ACOT13: variants seen among roughly 807,000 people sequenced by gnomAD.
ACOT13 encodes acyl-coenzyme A thioesterase 13.
Under a neutral mutation model 11.8 loss-of-function variants are expected in ACOT13, and 10 were observed. The ratio of observed to expected loss-of-function variants is 0.85; its 90% confidence interval spans 0.53 to 1.44. The LOEUF is 1.44. ACOT13 is among the 40% of genes most tolerant of loss of function. ACOT13 has a pLI of 0.00. For synonymous variants in ACOT13, 53 were observed against 61.0 expected, an observed-to-expected ratio of 0.87 and a Z score of 0.61; for missense variants, 172 against 174.1, an observed-to-expected ratio of 0.99 and a Z score of 0.07.
chr6:24,696,635 C>G (rs2074043244), intron 1 of ACOT13, among the ~76,000 whole-genome samples: 1 of 152,208 alleles, frequency 6.6e-6, no homozygotes, highest in African/African-American at 2.4e-5. Flanking sequence ...TTGGATGCAG[C>G]ACATTCCACT....
intron 1 of ACOT13, among the ~76,000 whole-genome samples, chr6:24,668,051 G>A (rs1778292255): frequency 6.6e-6 from 1 of 152,068 alleles, no homozygotes. Context: ...TGGGATTACA[G>A]GCATGCGCCA....
intron 1 of ACOT13, among the ~76,000 whole-genome samples, chr6:24,675,337 G>C (rs375854014): frequency 6.6e-5 from 10 of 152,210 alleles, no homozygotes; most frequent in Non-Finnish European, 1.5e-4. Context: ...CTAGTTTACA[G>C]TCCCACCAAC....
chr6:24,700,856 A>G (rs78543579), intron 2 of ACOT13: 3 of 152,202 alleles, frequency 2.0e-5, no homozygotes, highest in East Asian at 1.9e-4. Flanking sequence ...AATAAACTGT[A>G]AGGAAATTAT....
chr6:24,693,618 G>A (rs3777664), intron 1 of ACOT13, among the ~76,000 whole-genome samples: 113,801 of 152,116 alleles, frequency 0.75, 42,912 homozygotes, highest in East Asian at 0.84. Context: ...ATCTATCTTT[G>A]CTGAAAAAGT....
chr6:24,699,412 G>T (rs534423488), intron 2 of ACOT13, among the ~76,000 whole-genome samples: 3 of 151,944 alleles, frequency 2.0e-5, no homozygotes, highest in Non-Finnish European at 4.4e-5. Flanking sequence ...GGGTTTCACC[G>T]TGTTAGCCAG....
In ACOT13 at chr6:24,703,893, G is replaced by A. The variant is rs1221000625; in HGVS notation, c.*2278G>A. 4 of 152,146 alleles carry A rather than the reference G, an allele frequency of 2.6e-5. No homozygotes were observed. The highest frequency in any genetic ancestry group is 5.9e-5 in the Non-Finnish European group (4 of 68,016). The allele number at this position is 152,146 out of a possible 1,614,324, so 9.4% of individuals were successfully genotyped here. On this transcript the variant is annotated 3_prime_UTR_variant, in exon 3 of 3. Transcript: ENST00000230048. ...TGAATAAACAATTCAAATGCAAAAT[G>A]AGTAACAATTTACAAGAAAAATTGC...
At chr6:24,693,798 A>C (rs1009956596) in intron 1 of ACOT13, among the ~76,000 whole-genome samples, 7 of 151,478 alleles carry the variant, frequency 4.6e-5, no homozygotes, top group African/African-American at 1.5e-4. Flanking sequence ...AACTCGGCTA[A>C]CCTCCACTTC....
At chr6:24,686,922 C>G (rs1778640972) in intron 1 of ACOT13, among the ~76,000 whole-genome samples, 1 of 152,134 alleles carries the variant, frequency 6.6e-6, no homozygotes, top group Non-Finnish European at 1.5e-5. Context: ...GGCTGCTACA[C>G]TCTTTTAAAC....
At chr6:24,700,637 C>T (rs986367811) in intron 2 of ACOT13, among the ~76,000 whole-genome samples, 1 of 151,786 alleles carries the variant, frequency 6.6e-6, no homozygotes, top group African/African-American at 2.4e-5. Flanking sequence ...GGTTTCACCA[C>T]GTTGGCCGGG....
intron 1 of ACOT13, among the ~76,000 whole-genome samples, chr6:24,696,642 C>T (rs913165099): frequency 6.6e-6 from 1 of 152,188 alleles, no homozygotes; most frequent in Non-Finnish European, 1.5e-5. Flanking sequence ...CAGCACATTC[C>T]ACTCACAGCT....
chr6:24,671,874 A>G (rs1264782350), intron 1 of ACOT13, among the ~76,000 whole-genome samples: 1 of 152,218 alleles, frequency 6.6e-6, no homozygotes, highest in Non-Finnish European at 1.5e-5. Context: ...AGGTCATATC[A>G]GAATTACAGG....
chr6:24,686,622 T>C (rs1327479785), intron 1 of ACOT13, among the ~76,000 whole-genome samples: 4 of 131,946 alleles, frequency 3.0e-5, no homozygotes, highest in Non-Finnish European at 6.0e-5. Context: ...TCCTCTCCTT[T>C]CTTTCTCTTT....
intron 1 of ACOT13, among the ~76,000 whole-genome samples, chr6:24,695,793 G>A (rs542872623): frequency 1.8e-4 from 27 of 152,102 alleles, no homozygotes; most frequent in Non-Finnish European, 2.6e-4. Context: ...TAGGCCAGGC[G>A]CGGTGGCTCA....
At chr6:24,690,258 C>T (rs978533009) in intron 1 of ACOT13, among the ~76,000 whole-genome samples, 2 of 152,168 alleles carry the variant, frequency 1.3e-5, no homozygotes, top group Non-Finnish European at 2.9e-5. Context: ...TGCAAAAATT[C>T]TACACAATTT....
Position 24,674,495 on chromosome 6 carries a change from G to A in ACOT13, c.81+7151G>A, listed in dbSNP as rs533154340. Among the ~76,000 whole-genome samples the A allele has an allele frequency of 1.2e-3, 186 of 152,236 alleles. 1 individual carries two copies. Among genetic ancestry groups the A allele is most frequent in the African/African-American group, 4.4e-3 (182 of 41,508 alleles). ...GTGATTTCAGCTGAGTGCAGCGTCT[G>A]CTTCCTGTGTTCAAGTTATTCTCCT... On this transcript the variant is annotated intron_variant, in intron 1 of 2. Transcript: ENST00000230048.
intron 1 of ACOT13, among the ~76,000 whole-genome samples, chr6:24,682,299 CG>C (rs1369233535): frequency 6.6e-6 from 1 of 152,148 alleles, no homozygotes; most frequent in Non-Finnish European, 1.5e-5. Flanking sequence ...AAAATGTTAC[CG>C]GGGGTCCTTG....
At chr6:24,682,550 C>T (rs930488218) in intron 1 of ACOT13, among the ~76,000 whole-genome samples, 1 of 152,204 alleles carries the variant, frequency 6.6e-6, no homozygotes, top group Non-Finnish European at 1.5e-5. Flanking sequence ...AGGCACTTAG[C>T]TGTGCAGGAA....
chr6:24,696,370 G>C (rs764179828), intron 1 of ACOT13, among the ~76,000 whole-genome samples: 3 of 152,152 alleles, frequency 2.0e-5, no homozygotes, highest in Middle Eastern at 3.4e-3. Context: ...TCACATCTTG[G>C]GTGATCTTGA....
chr6:24,695,635 A>G (rs1176982010), intron 1 of ACOT13, among the ~76,000 whole-genome samples: 1 of 152,178 alleles, frequency 6.6e-6, no homozygotes, highest in African/African-American at 2.4e-5. Context: ...AACTTCATTC[A>G]TTTTTTACAT....
Sources: gnomAD v4.1 joint callset for allele counts (sites outside exome capture counted in the v4.1 genomes callset) on GRCh38, gnomAD v4.1.1 for gene constraint, MANE v1.5 for transcripts, NCBI Gene and HGNC (gene_info 2026-07-23, HGNC 2026-07-21) for gene names.